The following FBXO21 variants were observed in gnomAD, a reference collection of about 807,000 sequenced individuals.
FBXO21 encodes the protein F-box only protein 21.
In FBXO21, 32 loss-of-function variants were observed where a neutral mutation model predicts 76.6. The ratio of observed to expected loss-of-function variants is 0.42; its 90% CI spans 0.32 to 0.56. The LOEUF is 0.56. Ranked by LOEUF, FBXO21 falls within the 20% of genes least tolerant of loss-of-function variation. The pLI is 0.16. For missense variants in FBXO21, 586 were observed against 797.3 expected (o/e 0.73, Z 3.19); for synonymous variants, 328 against 311.5 (o/e 1.05, Z -0.56).
At chr12:117,155,740 G>A (rs964920096) in intron 11 of FBXO21, 51 bp downstream of exon 11, 26 of 1,566,774 alleles carry the variant, frequency 1.7e-5, no homozygotes, top group Admixed American at 3.7e-5. Flanking sequence ...TCAAACGTGC[G>A]CTGAAAACAC....
intron 11 of FBXO21, 128 bp downstream of exon 11, chr12:117,155,663 C>T (rs1955906870): frequency 1.9e-6 from 2 of 1,066,736 alleles, no homozygotes; most frequent in East Asian, 2.6e-5. Flanking sequence ...CGAAGGAGGC[C>T]GGCCATGGGG....
intron 11 of FBXO21, among the ~76,000 whole-genome samples, chr12:117,149,309 T>C (rs1435227073): frequency 6.6e-6 from 1 of 152,132 alleles, no homozygotes; most frequent in African/African-American, 2.4e-5. Context: ...CATGTTTGGA[T>C]TTTCTTGCAG....
At chr12:117,179,609 G>A (rs1956209089) in intron 3 of FBXO21, among the ~76,000 whole-genome samples, 1 of 152,210 alleles carries the variant, frequency 6.6e-6, no homozygotes, top group Non-Finnish European at 1.5e-5. Context: ...GAGGCTACAT[G>A]AGATACAGAT....
chr12:117,167,133 C>T (rs1956062563), intron 7 of FBXO21, 56 bp from the exon 8 acceptor site: 3 of 1,352,430 alleles, frequency 2.2e-6, no homozygotes, highest in African/African-American at 1.4e-5. Flanking sequence ...TTTTAAGTCT[C>T]CACAGTAAGT....
At chr12:117,168,455 C>T (rs1266206304) in intron 7 of FBXO21, among the ~76,000 whole-genome samples, 5 of 151,876 alleles carry the variant, frequency 3.3e-5, no homozygotes, top group Non-Finnish European at 2.9e-5. Context: ...ACCCAGGAAG[C>T]GGAGGTTGCA....
rs552368844 is a variant in FBXO21 at position 117,146,764 on chromosome 12, C to G, written c.1676-487G>C. Among the ~76,000 whole-genome samples, 9 of 152,294 alleles carry G rather than the reference C, an allele frequency of 5.9e-5. No individual in the cohort carries two copies. In the East Asian group the frequency reaches 1.5e-3, roughly 26 times the overall value. On this transcript the variant is annotated intron_variant, in intron 11 of 11. Transcript: ENST00000622495. ...ACCACACTTTCCACCCGAGCTCCTT[C>G]CAACACTGGCCCTTAGCTTCCAACA...
chr12:117,178,518 A>G (rs1435861195), intron 3 of FBXO21, among the ~76,000 whole-genome samples: 1 of 151,932 alleles, frequency 6.6e-6, no homozygotes, highest in Admixed American at 6.6e-5. Context: ...CTCCAAGAAA[A>G]AGCCCAAGTC....
chr12:117,166,285 A>G lies in FBXO21; in HGVS notation c.1193+613T>C, dbSNP rs377576589. Among the ~76,000 whole-genome samples the G allele has an allele frequency of 2.2e-4, 34 of 152,306 alleles. 2 individuals carry two copies. The highest frequency in any genetic ancestry group is 8.2e-4 in the African/African-American group (34 of 41,572). On this transcript the variant is annotated intron_variant, in intron 8 of 11. Transcript: ENST00000622495. ...TCTGTGTGATACTATAAAGGGGGAC[A>G]CATGTCATTATGTGTTTGTGCAAAC... is the stretch of plus-strand genomic sequence containing the variant.
intron 3 of FBXO21, among the ~76,000 whole-genome samples, chr12:117,179,785 CCTT>C (rs1956210499): frequency 1.3e-5 from 2 of 152,134 alleles, no homozygotes; most frequent in South Asian, 4.1e-4. Context: ...TTCAATCAAC[CCTT>C]CTTAATTCAT....
At chr12:117,177,489 C>G in intron 4 of FBXO21, 31 bp downstream of exon 4, 1 of 1,594,264 alleles carries the variant, frequency 6.3e-7, no homozygotes, top group Non-Finnish European at 8.6e-7. Context: ...TACAGAAATA[C>G]TACTGTCCAC....
chr12:117,150,951 TAA>T (rs1348417577), intron 11 of FBXO21, among the ~76,000 whole-genome samples: 1 of 102,396 alleles, frequency 9.8e-6, no homozygotes, highest in East Asian at 3.1e-4. Context: ...AAGTATCAAA[TAA>T]GTTTGTGTGT....
At chr12:117,152,044 G>A (rs370223737) in intron 11 of FBXO21, among the ~76,000 whole-genome samples, 2 of 151,046 alleles carry the variant, frequency 1.3e-5, no homozygotes, top group South Asian at 4.2e-4. Context: ...GGAAGCACGG[G>A]GCGAGGGATG....
At chr12:117,189,096 A>G (rs1956318458) in intron 2 of FBXO21, 131 bp downstream of exon 2, 2 of 1,006,406 alleles carry the variant, frequency 2.0e-6, no homozygotes, top group Non-Finnish European at 3.0e-6. Context: ...TCTTGCAGCC[A>G]TCTAAGTGAG....
intron 3 of FBXO21, among the ~76,000 whole-genome samples, chr12:117,179,346 C>A (rs544041316): frequency 3.9e-5 from 6 of 152,234 alleles, no homozygotes; most frequent in Non-Finnish European, 7.3e-5. Context: ...CTATGGTCAT[C>A]ACTTTCTTGC....
intron 3 of FBXO21, among the ~76,000 whole-genome samples, chr12:117,182,649 G>C (rs1035000919): frequency 1.5e-5 from 2 of 134,466 alleles, no homozygotes; most frequent in African/African-American, 5.7e-5. Flanking sequence ...TGCAACCTCA[G>C]CCTCCCAGGT....
chr12:117,149,495 A>T (rs1170964226), intron 11 of FBXO21, among the ~76,000 whole-genome samples: 4 of 152,208 alleles, frequency 2.6e-5, no homozygotes, highest in African/African-American at 9.7e-5. Context: ...GTTCGTCTGG[A>T]GCAGTTCTCA....
In FBXO21 at chr12:117,177,537, T is replaced by C. The variant is rs758824542; in HGVS notation, c.575A>G (p.Tyr192Cys). ...AGACCCACCTTCAAGATACGACTCA[T>C]AGTCATCTGGCTGCTGAAGAAAGGC... ...LKAFLQQPDD[Y>C]ESYLEGAVYI... Residue 192 changes from tyrosine to cysteine, a missense_variant, in exon 4 of 12, where the codon TAT becomes TGT. Tyr to Cys is a radical substitution (Grantham distance 194, BLOSUM62 -2). This residue lies in a region of FBXO21 where 246 missense variants were observed against 356.8 expected (regional missense o/e 0.69). Transcript: ENST00000622495. 4 of 1,613,656 alleles carry C rather than the reference T, an allele frequency of 2.5e-6. No homozygotes were observed. The highest frequency in any genetic ancestry group is 4.5e-5 in the East Asian group (2 of 44,858).
At position 117,162,309 on chromosome 12, in the gene FBXO21, G is replaced by A. The variant is rs144848034; in HGVS notation, c.1326+3176C>T. ...TGCTGGCTTCTTCAGAAGCGCTCTG[G>A]CCTTGGCCCACTGTACCACGGGATG... On this transcript the variant is annotated intron_variant, in intron 9 of 11. Transcript: ENST00000622495. 1.6e-3 allele frequency among the ~76,000 whole-genome samples: 242 copies of A among 152,290 alleles called. 3 individuals are homozygous for A. The highest frequency in any genetic ancestry group is 2.9e-4 in the Non-Finnish European group (20 of 68,030).
At chr12:117,164,730 C>T (rs1956031653) in intron 9 of FBXO21, among the ~76,000 whole-genome samples, 1 of 152,170 alleles carries the variant, frequency 6.6e-6, no homozygotes, top group East Asian at 1.9e-4. Flanking sequence ...GAAGATTTTA[C>T]CCCTCTCTAA....
Sources: allele counts gnomAD v4.1 joint callset (sites outside exome capture counted in the v4.1 genomes callset), GRCh38; gene constraint gnomAD v4.1.1; regional missense constraint gnomAD v4.1.1; transcripts MANE v1.5; gene names NCBI Gene and HGNC (gene_info 2026-07-23, HGNC 2026-07-21).